GLRA2: variants seen among roughly 807,000 people sequenced by gnomAD.
The protein encoded by GLRA2 is glycine receptor subunit alpha-2.
GLRA2 carries 11 observed loss-of-function variants against 31.6 expected under a neutral mutation model. The ratio of observed to expected loss-of-function variants is 0.35; its 90% CI spans 0.22 to 0.58. The LOEUF is 0.58. Ranked by LOEUF, GLRA2 falls within the 20% of genes least tolerant of loss-of-function variation. The probability of loss-of-function intolerance (pLI) is 0.84; values close to 1 mark genes in which losing one functional copy is unlikely to be tolerated. For missense variants in GLRA2, 212 were observed against 351.8 expected (o/e 0.60, Z 3.18); for synonymous variants, 132 against 134.0 (o/e 0.99, Z 0.10).
chrX:14,576,625 G>A (rs189706693), intron 3 of GLRA2, among the ~76,000 whole-genome samples: 4 of 111,893 alleles, frequency 3.6e-5, no homozygotes, highest in African/African-American at 6.5e-5. Context: ...GCACCTTTTC[G>A]ATGTTCATTA....
chrX:14,595,621 C>A (rs1179138281), intron 4 of GLRA2, among the ~76,000 whole-genome samples: 1 of 111,526 alleles, frequency 9.0e-6, no homozygotes, highest in Non-Finnish European at 1.9e-5. Flanking sequence ...ACCTCAGGTT[C>A]AATTCAGGAG....
Position 14,690,809 on chromosome X carries a change from C to A in GLRA2, c.1030C>A (p.Gln344Lys). The A allele has an allele frequency of 8.3e-7, 1 of 1,205,229 alleles. No homozygotes were observed. Among genetic ancestry groups the A allele is most frequent in the Non-Finnish European group, 1.1e-6 (1 of 889,789 alleles). The change falls in exon 8 of 9, where the codon CAA (glutamine) becomes AAA (lysine). Residue 344 changes from glutamine to lysine, a missense_variant. Physicochemically the swap from Gln to Lys is moderately conservative, Grantham distance 53. This residue lies in a region of GLRA2 where 25 missense variants were observed against 20.8 expected (regional missense o/e 1.20). Coordinates refer to ENST00000218075, the MANE Select transcript of GLRA2 (RefSeq NM_002063.4). Reference protein sequence around the residue: ...EYAAVNFVSRQHKEFLRLRRR... With the variant: ...EYAAVNFVSRKHKEFLRLRRR... ...CGCAGCGGTGAACTTCGTCTCCAGGCAACACAAGGAGTTCCTGCGCCTCCG... is the reference window on the plus strand; with the variant it reads ...CGCAGCGGTGAACTTCGTCTCCAGGAAACACAAGGAGTTCCTGCGCCTCCG...
At chrX:14,460,432 A>G in the GLRA2 span, among the ~76,000 whole-genome samples, 2 of 111,828 alleles carry the variant, frequency 1.8e-5, no homozygotes, top group African/African-American at 6.5e-5. Context: ...GATCGGAATA[A>G]TTTCAGAAGG....
At chrX:14,483,163 G>A in the GLRA2 span, among the ~76,000 whole-genome samples, 1 of 111,841 alleles carries the variant, frequency 8.9e-6, no homozygotes, top group Non-Finnish European at 1.9e-5. Flanking sequence ...TCAAGAAGGC[G>A]CCCAGTTATC....
At chrX:14,705,561 G>A (rs2091609498) in intron 8 of GLRA2, among the ~76,000 whole-genome samples, 1 of 112,148 alleles carries the variant, frequency 8.9e-6, no homozygotes. Flanking sequence ...GAGGACTGAG[G>A]TTTAGCTTCA....
chrX:14,452,720 A>G, the GLRA2 span, among the ~76,000 whole-genome samples: 1 of 112,200 alleles, frequency 8.9e-6, no homozygotes, highest in East Asian at 2.8e-4. Flanking sequence ...GTTCGGACAT[A>G]TACCTAAAGT....
the GLRA2 span, among the ~76,000 whole-genome samples, chrX:14,454,174 C>CCACT: frequency 3.8e-5 from 1 of 26,228 alleles, no homozygotes; most frequent in Admixed American, 5.6e-4. Flanking sequence ...CCACACACAC[C>CCACT]CACACCCACA....
At position 14,730,719 on chromosome X, in the gene GLRA2, C is replaced by G. The variant is rs2091982244; in HGVS notation, c.*234C>G. Reference sequence around the variant, plus strand: ...ATCACGGGAGCATAATAATTCCCTTCCATAATCTTTAGCATTGTTCTTTCA... The same window carrying G: ...ATCACGGGAGCATAATAATTCCCTTGCATAATCTTTAGCATTGTTCTTTCA... On this transcript the variant is annotated 3_prime_UTR_variant, in exon 9 of 9. Coordinates refer to ENST00000218075, the MANE Select transcript of GLRA2 (RefSeq NM_002063.4). 2.7e-6 allele frequency: 1 copy of G among 375,038 alleles called. No individual in the cohort carries two copies. Among genetic ancestry groups the G allele is most frequent in the South Asian group, 4.6e-5 (1 of 21,616 alleles). 30.9% of individuals were successfully genotyped at this position (375,038 alleles called of 1,213,427 possible).
chrX:14,577,516 C>A (rs5935779), intron 3 of GLRA2, among the ~76,000 whole-genome samples: 1 of 111,144 alleles, frequency 9.0e-6, no homozygotes, highest in South Asian at 3.8e-4. Context: ...ATAAACAACA[C>A]AAATTTATTT....
chrX:14,560,615 G>C (rs1294806451), intron 2 of GLRA2, among the ~76,000 whole-genome samples: 1 of 109,899 alleles, frequency 9.1e-6, no homozygotes, highest in African/African-American at 3.3e-5. Context: ...TTCAAGACCA[G>C]CCTGGGCAAC....
At chrX:14,470,507 A>G in the GLRA2 span, among the ~76,000 whole-genome samples, 1 of 111,663 alleles carries the variant, frequency 9.0e-6, no homozygotes, top group Non-Finnish European at 1.9e-5. Context: ...TAATATCTCT[A>G]AGGAGAGAGA....
chrX:14,531,095 C>A, intron 1 of GLRA2: 1 of 834,916 alleles, frequency 1.2e-6, no homozygotes, highest in South Asian at 2.3e-5. Flanking sequence ...TTATTAGAAT[C>A]ATCATCATCA....
At chrX:14,590,900 G>A (rs1265593484) in intron 4 of GLRA2, among the ~76,000 whole-genome samples, 2 of 111,899 alleles carry the variant, frequency 1.8e-5, no homozygotes, top group Non-Finnish European at 3.8e-5. Context: ...CTAGAGGCGA[G>A]CAAGGTCGGG....
At chrX:14,716,285 GGAAATTGAAGAACAAAAA>G in intron 8 of GLRA2, among the ~76,000 whole-genome samples, 1 of 111,231 alleles carries the variant, frequency 9.0e-6, no homozygotes, top group Non-Finnish European at 1.9e-5. Context: ...TTAAAGATGA[GGAAATTGAAGAACAAAAA>G]AAAATTGAGG....
Position 14,557,102 on chromosome X carries a change from C to CTT in GLRA2, c.203-17201_203-17200dup, listed in dbSNP as rs58282642. Among the ~76,000 whole-genome samples the CTT allele has an allele frequency of 1.7e-3, 78 of 46,338 alleles. 3 individuals are homozygous for CTT. Among genetic ancestry groups the CTT allele is most frequent in the African/African-American group, 4.2e-3 (44 of 10,462 alleles). 40.2% of individuals were successfully genotyped at this position (46,338 alleles called of 115,157 possible). A position where few individuals can be genotyped will look rare whatever the true frequency, so the allele number is the denominator to read the frequency against. On this transcript the variant is annotated intron_variant, in intron 2 of 8. Coordinates refer to ENST00000218075, the MANE Select transcript of GLRA2 (RefSeq NM_002063.4). ...TGCCATGTCTTCACCTAAAGTATTTCTTTTTTTTTTTTTTTTTTTTTTTTT... is the reference window on the plus strand; with the variant it reads ...TGCCATGTCTTCACCTAAAGTATTTCTTTTTTTTTTTTTTTTTTTTTTTTTTT...
chrX:14,607,824 A>G (rs767200946), intron 6 of GLRA2, among the ~76,000 whole-genome samples: 1 of 111,532 alleles, frequency 9.0e-6, no homozygotes, highest in African/African-American at 3.3e-5. Flanking sequence ...TGTTATCAGT[A>G]GTGCTGACAG....
chrX:14,488,642 T>G, the GLRA2 span, among the ~76,000 whole-genome samples: 1 of 112,398 alleles, frequency 8.9e-6, no homozygotes, highest in Non-Finnish European at 1.9e-5. Flanking sequence ...AAAAGACATC[T>G]TTAAAAACAC....
chrX:14,672,554 G>A (rs1320815139), intron 7 of GLRA2, among the ~76,000 whole-genome samples: 1 of 101,813 alleles, frequency 9.8e-6, no homozygotes, highest in Non-Finnish European at 2.1e-5. Flanking sequence ...CTATTAATGG[G>A]TGATTTGTGC....
intron 2 of GLRA2, among the ~76,000 whole-genome samples, chrX:14,541,731 C>G (rs185562539): frequency 9.0e-6 from 1 of 111,400 alleles, no homozygotes; most frequent in African/African-American, 3.3e-5. Context: ...ATTTGGCAAA[C>G]CAAACTTAAG....
Sources: gnomAD v4.1 joint callset for allele counts (sites outside exome capture counted in the v4.1 genomes callset) on GRCh38, gnomAD v4.1.1 for gene constraint, gnomAD v4.1.1 regional missense constraint, MANE v1.5 for transcripts, NCBI Gene and HGNC (gene_info 2026-07-23, HGNC 2026-07-21) for gene names.